Variants in TTC7B observed in about 807,000 individuals in gnomAD.
TTC7B encodes the protein tetratricopeptide repeat protein 7B.
Under a neutral mutation model 106.8 loss-of-function variants are expected in TTC7B, and 28 were observed. The observed-to-expected ratio is 0.26, with a 90% confidence interval of 0.19 to 0.36. The LOEUF (loss-of-function observed/expected upper bound fraction) is 0.36. Among genes scored for constraint, TTC7B ranks in the 10% least tolerant of loss-of-function variants. The probability of loss-of-function intolerance (pLI) is 1.00; values close to 1 mark genes in which losing one functional copy is unlikely to be tolerated. For synonymous variants in TTC7B, 405 were observed against 430.6 expected (o/e 0.94, Z 0.74); for missense variants, 862 against 1,076.4 (o/e 0.80, Z 2.79).
At chr14:90,745,011 C>T (rs1889908321) in intron 3 of TTC7B, 89 bp from the exon 4 acceptor site, 1 of 1,284,372 alleles carries the variant, frequency 7.8e-7, no homozygotes, top group African/African-American at 1.5e-5. Flanking sequence ...CAGAAGATGG[C>T]TGTAGAATAT....
chr14:90,535,105 C>T lies in TTC7B; in HGVS notation c.*6263G>A, dbSNP rs1889385874. On this transcript the variant is annotated 3_prime_UTR_variant, in exon 20 of 20. Transcript: ENST00000328459. ...TCCTTTCCCCACCGAGGGAGGTCCC[C>T]ACGCAGCCCTGAGGGTGAGCAGAGC... The T allele has an allele frequency of 6.6e-6, 1 of 152,390 alleles. No individual in the cohort carries two copies. Among genetic ancestry groups the T allele is most frequent in the South Asian group, 2.1e-4 (1 of 4,832 alleles). The allele number at this position is 152,390 out of a possible 1,614,324, so 9.4% of individuals were successfully genotyped here.
chr14:90,721,346 A>G (rs1888889930), intron 5 of TTC7B, among the ~76,000 whole-genome samples: 2 of 152,176 alleles, frequency 1.3e-5, no homozygotes. Flanking sequence ...TCCACAATTC[A>G]TCACTGAAAA....
At chr14:90,758,689 A>C (rs898724457) in intron 3 of TTC7B, among the ~76,000 whole-genome samples, 3 of 152,196 alleles carry the variant, frequency 2.0e-5, no homozygotes, top group Non-Finnish European at 2.9e-5. Context: ...AGACTCGTTC[A>C]CAGGCCGCTA....
At chr14:90,628,393 T>C (rs1884542760) in intron 15 of TTC7B, among the ~76,000 whole-genome samples, 1 of 152,172 alleles carries the variant, frequency 6.6e-6, no homozygotes, top group Non-Finnish European at 1.5e-5. Flanking sequence ...GGTCTTTATT[T>C]CTGGCTGAGC....
At chr14:90,731,043 T>C (rs999104176) in intron 4 of TTC7B, among the ~76,000 whole-genome samples, 1 of 152,150 alleles carries the variant, frequency 6.6e-6, no homozygotes. Flanking sequence ...CCTCCCGGGT[T>C]CACGCCATTC....
chr14:90,694,654 A>G (rs1887611662), intron 6 of TTC7B, among the ~76,000 whole-genome samples: 1 of 141,988 alleles, frequency 7.0e-6, no homozygotes, highest in South Asian at 2.1e-4. Context: ...TATGTCACAT[A>G]TATTTATTAT....
intron 15 of TTC7B, among the ~76,000 whole-genome samples, chr14:90,630,727 G>C (rs1025724976): frequency 6.6e-5 from 10 of 152,090 alleles, no homozygotes; most frequent in African/African-American, 2.2e-4. Context: ...CATATGAGTA[G>C]AGTCACACAT....
intron 13 of TTC7B, 33 bp downstream of exon 13, chr14:90,652,808 T>C (rs1209451568): frequency 6.2e-7 from 1 of 1,612,374 alleles, no homozygotes; most frequent in East Asian, 2.2e-5. Flanking sequence ...TGTCATTATG[T>C]ACAGCCGAGT....
At chr14:90,746,818 A>T (rs1889982417) in intron 3 of TTC7B, among the ~76,000 whole-genome samples, 1 of 152,190 alleles carries the variant, frequency 6.6e-6, no homozygotes, top group Non-Finnish European at 1.5e-5. Context: ...GAAGTGTATT[A>T]TTTAGTTTCC....
At chr14:90,626,245 G>A (rs941237756) in intron 15 of TTC7B, among the ~76,000 whole-genome samples, 2 of 152,158 alleles carry the variant, frequency 1.3e-5, no homozygotes, top group African/African-American at 4.8e-5. Flanking sequence ...ATAAGAACTG[G>A]GGGAGCATGT....
At chr14:90,684,901 G>A (rs1009106989) in intron 7 of TTC7B, among the ~76,000 whole-genome samples, 2 of 152,146 alleles carry the variant, frequency 1.3e-5, no homozygotes, top group Non-Finnish European at 2.9e-5. Context: ...TAAAAAATAA[G>A]TAAACTAAAG....
chr14:90,600,721 T>C lies in TTC7B; in HGVS notation c.1967-7095A>G, dbSNP rs905904838. Among the ~76,000 whole-genome samples, 15 of 152,156 alleles carry C rather than the reference T, an allele frequency of 9.9e-5. No homozygotes were observed. The highest frequency in any genetic ancestry group is 2.0e-4 in the Admixed American group (3 of 15,276). ...AGCGCAGCATGCTGCTGGTGGGTGC[T>C]GGCAGGGCCAGGTGGTCACACAGAA... On this transcript the variant is annotated intron_variant, in intron 17 of 19. Coordinates refer to ENST00000328459, the MANE Select transcript of TTC7B (RefSeq NM_001010854.2). This position sits in a 1 kb window ranked among gnomAD's most constrained non-coding sequence, Gnocchi z 4.3.
Position 90,575,062 on chromosome 14 carries a change from C to CA in TTC7B, c.2310+3043dup, listed in dbSNP as rs535500846. ...TGTCAACGCTCAGCTCTGTTTCCGC[C>CA]ACTCTCCGCCACACAGGTCGGGGCC... is the stretch of plus-strand genomic sequence containing the variant. On this transcript the variant is annotated intron_variant, in intron 19 of 19. Coordinates refer to ENST00000328459, the MANE Select transcript of TTC7B (RefSeq NM_001010854.2). The surrounding 1 kb of genome is among the most constrained non-coding windows in gnomAD (Gnocchi z 5.2). Among the ~76,000 whole-genome samples the CA allele has an allele frequency of 1.4e-3, 215 of 152,326 alleles. No individual in the cohort carries two copies. The highest frequency in any genetic ancestry group is 4.9e-3 in the African/African-American group (203 of 41,568).
chr14:90,801,834 G>T (rs1474382432), intron 1 of TTC7B, among the ~76,000 whole-genome samples: 1 of 152,112 alleles, frequency 6.6e-6, no homozygotes, highest in Non-Finnish European at 1.5e-5. Context: ...GGGGAAGGGG[G>T]TGGATCACCT....
At chr14:90,692,000 A>G (rs142178042) in intron 6 of TTC7B, among the ~76,000 whole-genome samples, 1 of 152,344 alleles carries the variant, frequency 6.6e-6, no homozygotes, top group East Asian at 1.9e-4. Flanking sequence ...GTTACTTAGC[A>G]TAAAGTTTTC....
At chr14:90,780,273 C>T (rs1595368111) in intron 3 of TTC7B, among the ~76,000 whole-genome samples, 4 of 151,892 alleles carry the variant, frequency 2.6e-5, no homozygotes, top group South Asian at 4.2e-4. Flanking sequence ...CCCAGCTACT[C>T]GGGAGGTTGA....
intron 19 of TTC7B, among the ~76,000 whole-genome samples, chr14:90,541,979 A>G (rs980760571): frequency 3.9e-5 from 6 of 152,168 alleles, no homozygotes; most frequent in Admixed American, 6.5e-5. Flanking sequence ...TCGCTCTGTC[A>G]TCCAGGCTGG....
intron 9 of TTC7B, among the ~76,000 whole-genome samples, chr14:90,668,082 A>G (rs1886480369): frequency 6.6e-6 from 1 of 151,056 alleles, no homozygotes; most frequent in Non-Finnish European, 1.5e-5. Flanking sequence ...TCCCTTGTGC[A>G]AATATTACCT....
intron 15 of TTC7B, among the ~76,000 whole-genome samples, chr14:90,620,909 A>T (rs1173215778): frequency 6.6e-6 from 1 of 152,242 alleles, no homozygotes; most frequent in Non-Finnish European, 1.5e-5. Context: ...CATTTCAGAG[A>T]ACCAGACAGG....
Sources: gnomAD v4.1 joint callset for allele counts (sites outside exome capture counted in the v4.1 genomes callset) on GRCh38, gnomAD v4.1.1 for gene constraint, Gnocchi (gnomAD v3.1) non-coding constraint, MANE v1.5 for transcripts, NCBI Gene and HGNC (gene_info 2026-07-23, HGNC 2026-07-21) for gene names.